RABGAP1L: variants seen among roughly 807,000 people sequenced by gnomAD.
RABGAP1L encodes the protein RAB GTPase activating protein 1 like.
In RABGAP1L, 63 loss-of-function variants were observed where a neutral mutation model predicts 137.7. The ratio of observed to expected loss-of-function variants is 0.46; its 90% CI spans 0.37 to 0.56. RABGAP1L has a LOEUF of 0.56. Among genes scored for constraint, RABGAP1L ranks in the 20% least tolerant of loss-of-function variants. The pLI, the probability that RABGAP1L is intolerant of heterozygous loss-of-function variation, is 0.00. For missense variants in RABGAP1L, 1,095 were observed against 1,244.0 expected (o/e 0.88, Z 1.80); for synonymous variants, 431 against 433.7 (o/e 0.99, Z 0.08).
intron 13 of RABGAP1L, among the ~76,000 whole-genome samples, chr1:174,510,627 A>G (rs937398805): frequency 2.6e-5 from 4 of 152,186 alleles, no homozygotes; most frequent in East Asian, 3.8e-4. Flanking sequence ...GACCTGTTTC[A>G]TTTTGAAAAG....
At chr1:174,211,700 A>G (rs1237850937) in intron 1 of RABGAP1L, among the ~76,000 whole-genome samples, 1 of 152,138 alleles carries the variant, frequency 6.6e-6, no homozygotes, top group African/African-American at 2.4e-5. Flanking sequence ...AATGTATAAA[A>G]AACCAAGACC....
At chr1:174,163,035 A>G (rs182685420) in intron 1 of RABGAP1L, among the ~76,000 whole-genome samples, 3 of 151,996 alleles carry the variant, frequency 2.0e-5, no homozygotes, top group South Asian at 2.1e-4. Context: ...TGGTATTTCA[A>G]AGATGGCTCA....
intron 18 of RABGAP1L, among the ~76,000 whole-genome samples, chr1:174,790,462 A>G (rs1687766576): frequency 6.6e-6 from 1 of 151,978 alleles, no homozygotes; most frequent in Non-Finnish European, 1.5e-5. Flanking sequence ...CGTCTCTACT[A>G]AAAATACAAA....
chr1:174,321,536 G>A (rs1018321952), intron 11 of RABGAP1L, among the ~76,000 whole-genome samples: 8 of 151,978 alleles, frequency 5.3e-5, no homozygotes, highest in African/African-American at 9.7e-5. Context: ...TTCTCAGACC[G>A]GCCAACACGT....
chr1:174,975,675 C>T lies in RABGAP1L; in HGVS notation c.2545-403C>T, dbSNP rs535008272. On this transcript the variant is annotated intron_variant, in intron 21 of 25. Transcript: ENST00000681986. ...GTTTCTGTGTGAGGCTCTACCCCTT[C>T]ATCAGATCCATCTACACAGAGTGAG... 2.0e-5 allele frequency among the ~76,000 whole-genome samples: 3 copies of T among 151,370 alleles called. No individual in the cohort carries two copies. In the South Asian group the frequency reaches 6.3e-4, roughly 32 times the overall value.
chr1:174,923,706 C>G (rs1662186279), intron 19 of RABGAP1L, among the ~76,000 whole-genome samples: 1 of 151,822 alleles, frequency 6.6e-6, no homozygotes, highest in South Asian at 2.1e-4. Flanking sequence ...CATGTTGAAA[C>G]CCCATCTCTA....
chr1:174,498,918 T>C (rs997144236), intron 13 of RABGAP1L, among the ~76,000 whole-genome samples: 3 of 152,152 alleles, frequency 2.0e-5, no homozygotes, highest in African/African-American at 7.2e-5. Flanking sequence ...ATTATTTTCT[T>C]TGATTTCTGT....
At chr1:174,643,941 GTATGTATGTA>G (rs1674740313) in intron 14 of RABGAP1L, among the ~76,000 whole-genome samples, 1 of 102,194 alleles carries the variant, frequency 9.8e-6, no homozygotes. Context: ...GTGTGTGTGT[GTATGTATGTA>G]TGTATGTATG....
At chr1:174,222,967 C>T (rs978936647) in intron 3 of RABGAP1L, among the ~76,000 whole-genome samples, 14 of 152,110 alleles carry the variant, frequency 9.2e-5, no homozygotes, top group Non-Finnish European at 1.9e-4. Context: ...AAAACCCCGT[C>T]TCTATTAAAA....
At chr1:174,222,446 G>C (rs1669829569) in intron 3 of RABGAP1L, among the ~76,000 whole-genome samples, 1 of 152,180 alleles carries the variant, frequency 6.6e-6, no homozygotes. Context: ...GGATGATTAA[G>C]CATTAGAAAA....
At chr1:174,947,337 C>T (rs188530498) in intron 19 of RABGAP1L, among the ~76,000 whole-genome samples, 1 of 151,888 alleles carries the variant, frequency 6.6e-6, no homozygotes, top group East Asian at 1.9e-4. Flanking sequence ...ATCCACCTGC[C>T]TCAGCCTCCC....
chr1:174,588,268 A>G (rs1669277106), intron 13 of RABGAP1L, among the ~76,000 whole-genome samples: 1 of 151,870 alleles, frequency 6.6e-6, no homozygotes, highest in Non-Finnish European at 1.5e-5. Flanking sequence ...GGTTCAAGTA[A>G]TTCTCCTGCC....
chr1:174,287,070 A>G (rs1216980625), intron 10 of RABGAP1L, among the ~76,000 whole-genome samples: 1 of 152,014 alleles, frequency 6.6e-6, no homozygotes, highest in Non-Finnish European at 1.5e-5. Context: ...TGTTGTTCAA[A>G]TCTGTTGATT....
chr1:174,400,918 T>A (rs890103453), intron 13 of RABGAP1L, among the ~76,000 whole-genome samples: 1 of 152,120 alleles, frequency 6.6e-6, no homozygotes, highest in African/African-American at 2.4e-5. Context: ...TTATAATCTA[T>A]AGAAAATAAA....
At chr1:174,646,873 C>G (rs1675009327) in intron 14 of RABGAP1L, among the ~76,000 whole-genome samples, 1 of 152,040 alleles carries the variant, frequency 6.6e-6, no homozygotes, top group Non-Finnish European at 1.5e-5. Context: ...TGTTTGTGTC[C>G]TCTCTTATTT....
intron 13 of RABGAP1L, among the ~76,000 whole-genome samples, chr1:174,550,999 C>T (rs11806106): frequency 0.07 from 6,037 of 86,092 alleles, 415 homozygotes; most frequent in African/African-American, 0.14. Flanking sequence ...TATATATACA[C>T]ATATATATAT....
chr1:174,252,691 C>G (rs1672807304), intron 7 of RABGAP1L, 101 bp downstream of exon 7: 1 of 1,463,542 alleles, frequency 6.8e-7, no homozygotes, highest in South Asian at 1.4e-5. Flanking sequence ...TTCATTTTCT[C>G]CAATTAAAAA....
chr1:174,346,405 A>G (rs1682432173), intron 11 of RABGAP1L, among the ~76,000 whole-genome samples: 1 of 152,034 alleles, frequency 6.6e-6, no homozygotes, highest in African/African-American at 2.4e-5. Flanking sequence ...TTTAATTACG[A>G]CTTTGATCTC....
intron 6 of RABGAP1L, among the ~76,000 whole-genome samples, chr1:174,251,241 G>A (rs1167928440): frequency 1.3e-5 from 2 of 151,764 alleles, no homozygotes; most frequent in African/African-American, 4.8e-5. Context: ...TTATTTCTAG[G>A]GGAATTTTTA....
Sources: allele counts gnomAD v4.1 joint callset (sites outside exome capture counted in the v4.1 genomes callset), GRCh38; gene constraint gnomAD v4.1.1; transcripts MANE v1.5; gene names NCBI Gene and HGNC (gene_info 2026-07-23, HGNC 2026-07-21).